CTDP1: variants seen among roughly 807,000 people sequenced by gnomAD.
The protein encoded by CTDP1 is RNA polymerase II subunit A C-terminal domain phosphatase.
Under a neutral mutation model 91.8 loss-of-function variants are expected in CTDP1, and 47 were observed. The ratio of observed to expected loss-of-function variants is 0.51; its 90% CI spans 0.41 to 0.65. The LOEUF (loss-of-function observed/expected upper bound fraction) is 0.65, where lower values mean the gene tolerates loss of function less well. Among genes scored for constraint, CTDP1 ranks in the 30% least tolerant of loss-of-function variants. CTDP1 has a pLI of 0.00. For missense variants in CTDP1, 1,272 were observed against 1,373.7 expected, an observed-to-expected ratio of 0.93 and a Z score of 1.17; for synonymous variants, 656 against 598.5, an observed-to-expected ratio of 1.10 and a Z score of -1.40.
chr18:79,736,804 CGT>C (rs1281496982), intron 12 of CTDP1, among the ~76,000 whole-genome samples: 5 of 150,036 alleles, frequency 3.3e-5, no homozygotes, highest in Non-Finnish European at 4.4e-5. Flanking sequence ...CGTGCACAGG[CGT>C]GTGGTGGGGG....
Position 79,680,175 on chromosome 18 carries a change from C to T in CTDP1, c.228C>T (p.Pro76=), listed in dbSNP as rs1383076712. 2.9e-6 allele frequency: 4 copies of T among 1,384,480 alleles called. No homozygotes were observed. Among genetic ancestry groups the T allele is most frequent in the Admixed American group, 3.4e-5 (1 of 29,422 alleles). The allele number at this position is 1,384,480 out of a possible 1,614,324, so 85.8% of individuals were successfully genotyped here. The part of the protein sequence containing the change: ...SRVASGGCVR[P]ARPERRLRSE... ...TAGCCTCCGGGGGCTGCGTGCGCCC[C>T]GCGCGGCCGGAACGCAGGCTGAGGT... The change falls in exon 1 of 13, where the codon CCC becomes CCT. Residue 76 remains proline (P), a synonymous_variant. Coordinates refer to ENST00000613122, the MANE Select transcript of CTDP1 (RefSeq NM_004715.5).
chr18:79,720,268 TAGG>T (rs1297042019), intron 10 of CTDP1, among the ~76,000 whole-genome samples: 154 of 139,658 alleles, frequency 1.1e-3, no homozygotes, highest in African/African-American at 3.2e-3. Flanking sequence ...CTCCCATCAT[TAGG>T]AGGGCATCCT....
Position 79,728,901 on chromosome 18 carries a change from T to C in CTDP1, c.2418-6T>C. 1 of 1,613,800 alleles carries C rather than the reference T, an allele frequency of 6.2e-7. No homozygotes were observed. Among genetic ancestry groups the C allele is most frequent in the Non-Finnish European group, 8.5e-7 (1 of 1,180,010 alleles). On this transcript the variant is annotated splice_region_variant and splice_polypyrimidine_tract_variant and intron_variant, in intron 10 of 12. Coordinates refer to ENST00000613122, the MANE Select transcript of CTDP1 (RefSeq NM_004715.5). ...CCTCATGTGGGACCTATGAAATTCC[T>C]TTCAGAGCGGTTCCGCCACCCCAGC...
rs766850888 is a variant in CTDP1 at position 79,715,103 on chromosome 18, G to C, written c.1643G>C (p.Cys548Ser). The change falls in exon 8 of 13, where the codon TGT becomes TCT. Residue 548 changes from cysteine (C) to serine (S), a missense_variant. By Grantham distance (112) the Cys-to-Ser change is moderately radical. This residue lies in a region of CTDP1 where 881 missense variants were observed against 911.6 expected (regional missense o/e 0.97). Coordinates refer to ENST00000613122, the MANE Select transcript of CTDP1 (RefSeq NM_004715.5). ...RDGLCGLGNG[C>S]ADRKEAETES... ...GGCCTCTGCGGCCTGGGCAACGGCT[G>C]TGCCGACAGGAAGGAGGCGGAGACC... is the stretch of plus-strand genomic sequence containing the variant. 1.9e-6 allele frequency: 3 copies of C among 1,613,124 alleles called. No homozygotes were observed. The East Asian group carries it at 6.7e-5, about 36-fold the overall frequency.
chr18:79,683,819 G>A (rs2122361881), intron 1 of CTDP1, among the ~76,000 whole-genome samples: 1 of 152,282 alleles, frequency 6.6e-6, no homozygotes, highest in Admixed American at 6.5e-5. Context: ...GACGAGGTGT[G>A]GGATTTACGG....
At position 79,680,182 on chromosome 18, in the gene CTDP1, C is replaced by G. The variant is rs1312562752; in HGVS notation, c.235C>G (p.Pro79Ala). ...CGGGGGCTGCGTGCGCCCCGCGCGG[C>G]CGGAACGCAGGCTGAGGTCGGAGCG... ...ASGGCVRPARPERRLRSERAG... is the reference protein window; with the variant it reads ...ASGGCVRPARAERRLRSERAG... Residue 79 changes from proline (P) to alanine (A), a missense_variant, in exon 1 of 13, where the codon CCG becomes GCG. Pro to Ala is a conservative substitution (Grantham distance 27). Coordinates refer to ENST00000613122, the MANE Select transcript of CTDP1 (RefSeq NM_004715.5). 10 of 1,383,034 alleles carry G rather than the reference C, an allele frequency of 7.2e-6. No homozygotes were observed. Among genetic ancestry groups the G allele is most frequent in the Non-Finnish European group, 9.3e-6 (10 of 1,074,588 alleles). 85.7% of individuals were successfully genotyped at this position (1,383,034 alleles called of 1,614,324 possible). A position where few individuals can be genotyped will look rare whatever the true frequency, so the allele number is the denominator to read the frequency against.
intron 11 of CTDP1, among the ~76,000 whole-genome samples, chr18:79,730,564 G>A (rs1490297919): frequency 1.3e-5 from 2 of 152,186 alleles, no homozygotes; most frequent in African/African-American, 2.4e-5. Flanking sequence ...AAAAGTAATC[G>A]TAACCCCCCA....
intron 5 of CTDP1, among the ~76,000 whole-genome samples, chr18:79,708,172 A>G (rs1248640858): frequency 1.3e-5 from 2 of 152,248 alleles, no homozygotes; most frequent in Non-Finnish European, 1.5e-5. Flanking sequence ...TGCTTCAGCC[A>G]GGAAGCAGGT....
intron 12 of CTDP1, among the ~76,000 whole-genome samples, chr18:79,749,372 C>T (rs886886808): frequency 1.3e-5 from 2 of 151,958 alleles, no homozygotes; most frequent in African/African-American, 2.4e-5. Flanking sequence ...TCCAACCCAG[C>T]GTCGCTGTGA....
At chr18:79,686,026 G>A (rs546941524) in intron 1 of CTDP1, among the ~76,000 whole-genome samples, 14 of 152,286 alleles carry the variant, frequency 9.2e-5, no homozygotes, top group South Asian at 4.1e-4. Context: ...CACTTCAAAC[G>A]TTTTGCTTTG....
At chr18:79,741,715 G>C (rs1479216904) in intron 12 of CTDP1, among the ~76,000 whole-genome samples, 1 of 152,240 alleles carries the variant, frequency 6.6e-6, no homozygotes, top group Non-Finnish European at 1.5e-5. Flanking sequence ...ACACAGGGCG[G>C]CAGGCAGGGT....
intron 1 of CTDP1, among the ~76,000 whole-genome samples, chr18:79,681,732 C>T (rs75019659): frequency 6.6e-6 from 1 of 152,146 alleles, no homozygotes. Context: ...TATCATTTCT[C>T]CTCAGATGGA....
intron 12 of CTDP1, among the ~76,000 whole-genome samples, chr18:79,741,798 A>G (rs985325606): frequency 5.9e-5 from 9 of 152,252 alleles, no homozygotes; most frequent in African/African-American, 2.2e-4. Context: ...AACAGGGAAT[A>G]GTGCTCCACC....
intron 3 of CTDP1, among the ~76,000 whole-genome samples, chr18:79,697,266 A>G (rs914262531): frequency 1.3e-5 from 2 of 152,198 alleles, no homozygotes; most frequent in Non-Finnish European, 2.9e-5. Context: ...GGCCAGTTAC[A>G]GTGAGAAAGG....
chr18:79,684,156 A>C lies in CTDP1; in HGVS notation c.314+3895A>C, dbSNP rs529788017. Among the ~76,000 whole-genome samples, 4 of 152,322 alleles carry C rather than the reference A, an allele frequency of 2.6e-5. No individual in the cohort carries two copies. The South Asian group carries it at 8.3e-4, about 32-fold the overall frequency. On this transcript the variant is annotated intron_variant, in intron 1 of 12. Transcript: ENST00000613122. The stretch of plus-strand genomic sequence containing the variant: ...GACCCCACTGGCCGCCGGCTGCTTG[A>C]CAGTAACTTGTTTAGCTGAGACTGT...
At chr18:79,723,604 T>C (rs986619227) in intron 10 of CTDP1, among the ~76,000 whole-genome samples, 15 of 152,160 alleles carry the variant, frequency 9.9e-5, no homozygotes, top group African/African-American at 3.6e-4. Context: ...TTGAGATATT[T>C]GTAGATATAT....
rs2086255225 is a variant in CTDP1, at chr18:79,717,968, C to T, written c.2369C>T (p.Pro790Leu). 6.2e-7 allele frequency: 1 copy of T among 1,613,412 alleles called. No individual in the cohort carries two copies. The highest frequency in any genetic ancestry group is 1.7e-5 in the Admixed American group (1 of 60,010). Residue 790 changes from proline (P) to leucine (L), a missense_variant, in exon 10 of 13, where the codon CCA becomes CTA. Physicochemically the swap from Pro to Leu is moderately conservative, Grantham distance 98 (BLOSUM62 -3). Around this residue, in one of 3 missense-constraint regions of CTDP1, gnomAD observed 881 missense variants for 911.6 expected, o/e 0.97. Transcript: ENST00000613122. ...KLIRTGARGP[P>L]APSSSLPIRQ... ...ATCAGGACGGGCGCCCGGGGGCCCC[C>T]AGCACCCTCCAGCTCCCTACCCATC...
chr18:79,696,700 G>A lies in CTDP1; in HGVS notation c.492+630G>A, dbSNP rs9963142. 3.8e-3 allele frequency among the ~76,000 whole-genome samples: 573 copies of A among 152,236 alleles called. 3 individuals are homozygous for A. Among genetic ancestry groups the A allele is most frequent in the African/African-American group, 0.013 (534 of 41,526 alleles). On this transcript the variant is annotated intron_variant, in intron 3 of 12. Transcript: ENST00000613122. Reference sequence around the variant, plus strand: ...GGGGGGTACGCAGGGTGGAGAGGACGGGCAGGTGTTCACGTGCCCAGTTAA... The same window carrying A: ...GGGGGGTACGCAGGGTGGAGAGGACAGGCAGGTGTTCACGTGCCCAGTTAA...
intron 12 of CTDP1, among the ~76,000 whole-genome samples, chr18:79,744,651 A>G (rs1430311176): frequency 6.6e-6 from 1 of 152,248 alleles, no homozygotes; most frequent in Non-Finnish European, 1.5e-5. Flanking sequence ...TGGAATTACG[A>G]TGCTAAGAGC....
Sources: gnomAD v4.1 joint callset for allele counts (sites outside exome capture counted in the v4.1 genomes callset) on GRCh38, gnomAD v4.1.1 for gene constraint, gnomAD v4.1.1 regional missense constraint, MANE v1.5 for transcripts, NCBI Gene and HGNC (gene_info 2026-07-23, HGNC 2026-07-21) for gene names.